Variants in BRWD3 observed in about 807,000 individuals in gnomAD.
The protein encoded by BRWD3 is bromodomain and WD repeat domain containing 3.
A neutral mutation model predicts 149.7 loss-of-function variants in BRWD3; 10 were observed. The observed-to-expected ratio is 0.07, with a 90% CI of 0.04 to 0.11. BRWD3 has a LOEUF of 0.11. Among genes scored for constraint, BRWD3 ranks in the 10% least tolerant of loss-of-function variants. The pLI is 1.00. For missense variants in BRWD3, 940 were observed against 1,373.2 expected (o/e 0.68, Z 4.99); for synonymous variants, 504 against 456.7 (o/e 1.10, Z -1.32).
chrX:80,761,504 T>C (rs1480003250), intron 6 of BRWD3, among the ~76,000 whole-genome samples: 1 of 112,002 alleles, frequency 8.9e-6, no homozygotes, highest in African/African-American at 3.2e-5. Flanking sequence ...TAATCAGGTG[T>C]AAAGCAACTG....
At chrX:80,730,982 A>G (rs767394801) in intron 12 of BRWD3, among the ~76,000 whole-genome samples, 8 of 111,967 alleles carry the variant, frequency 7.1e-5, no homozygotes, top group Admixed American at 9.5e-5. Context: ...AATCTTCACC[A>G]TTATAAATAA....
chrX:80,775,403 A>G (rs17281706), intron 6 of BRWD3, among the ~76,000 whole-genome samples: 9,334 of 111,495 alleles, frequency 0.084, 374 homozygotes, highest in South Asian at 0.19. Flanking sequence ...ACTTGACACA[A>G]TTGGGGCCCA....
intron 27 of BRWD3, 80 bp from the exon 28 acceptor site, chrX:80,693,131 G>T: frequency 1.4e-6 from 1 of 735,617 alleles, no homozygotes; most frequent in South Asian, 2.2e-5. Context: ...ACTTTTTGTT[G>T]ACAACAGAAG....
intron 37 of BRWD3, 145 bp from the exon 38 acceptor site, chrX:80,682,773 T>C (rs1052052678): frequency 2.5e-5 from 14 of 550,530 alleles, no homozygotes; most frequent in African/African-American, 2.4e-4. Flanking sequence ...TAAAGTAAGA[T>C]ACCATTTTCA....
rs771173711 is a variant in BRWD3, at chrX:80,681,422, C to T, written c.4573G>A (p.Gly1525Ser). The change falls in exon 40 of 41, where the codon GGT (glycine) becomes AGT (serine). Residue 1525 changes from glycine to serine, a missense_variant. Physicochemically the swap from Gly to Ser is moderately conservative, Grantham distance 56. This residue lies in a region of BRWD3 where 349 missense variants were observed against 419.6 expected (regional missense o/e 0.83). Transcript: ENST00000373275. ...PDGPFSSSSF[G>S]GYSRSGNSHD... is the part of the protein sequence containing the mutation. ...CTATTTCCACTTCGGCTATATCCAC[C>T]GAAGCTCGATGAAGAAAATGGCCCA... is the stretch of plus-strand genomic sequence containing the variant. The T allele has an allele frequency of 2.6e-5, 32 of 1,209,763 alleles. No individual in the cohort carries two copies. The South Asian group carries it at 4.9e-4, about 19-fold the overall frequency.
At chrX:80,762,213 T>C (rs1322376296) in intron 6 of BRWD3, among the ~76,000 whole-genome samples, 3 of 111,719 alleles carry the variant, frequency 2.7e-5, no homozygotes, top group Non-Finnish European at 1.9e-5. Flanking sequence ...CCTTTCTCTC[T>C]TTGAACTAGA....
intron 6 of BRWD3, among the ~76,000 whole-genome samples, chrX:80,758,208 T>TA (rs1390676099): frequency 9.1e-6 from 1 of 109,990 alleles, no homozygotes; most frequent in East Asian, 2.8e-4. Context: ...TCAAAAAAAA[T>TA]AAAAAATAAA....
At chrX:80,738,875 G>A (rs750047563) in intron 8 of BRWD3, among the ~76,000 whole-genome samples, 1 of 112,013 alleles carries the variant, frequency 8.9e-6, no homozygotes, top group East Asian at 2.8e-4. Context: ...ACACGCAGTA[G>A]ATGAGATTGA....
At position 80,673,737 on chromosome X, in the gene BRWD3, C is replaced by G. The variant is rs1252031475; in HGVS notation, c.*2872G>C. The G allele has an allele frequency of 9.0e-6, 1 of 111,667 alleles. No homozygotes were observed. Among genetic ancestry groups the G allele is most frequent in the Admixed American group, 9.5e-5 (1 of 10,514 alleles). The allele number at this position is 111,667 out of a possible 1,213,427, so 9.2% of individuals were successfully genotyped here. ...ATTACAGCTCACTGACTATTCATATCTAGCATAGGATTAGGTTTATACATG... is the reference window on the plus strand; with the variant it reads ...ATTACAGCTCACTGACTATTCATATGTAGCATAGGATTAGGTTTATACATG... On this transcript the variant is annotated 3_prime_UTR_variant, in exon 41 of 41. Coordinates refer to ENST00000373275, the MANE Select transcript of BRWD3 (RefSeq NM_153252.5).
At chrX:80,691,726 C>T in intron 30 of BRWD3, 97 bp downstream of exon 30, 1 of 1,025,636 alleles carries the variant, frequency 9.8e-7, no homozygotes, top group Non-Finnish European at 1.4e-6. Flanking sequence ...CTGAAGTGTA[C>T]AGTGAGAAAC....
At chrX:80,742,642 T>C (rs2073531382) in intron 8 of BRWD3, among the ~76,000 whole-genome samples, 1 of 110,349 alleles carries the variant, frequency 9.1e-6, no homozygotes, top group East Asian at 2.8e-4. Context: ...CCTAGGTATT[T>C]TATTCTCTTT....
At chrX:80,809,082 G>C (rs192068986) in intron 2 of BRWD3, 40 bp from the exon 3 acceptor site, 1 of 1,171,978 alleles carries the variant, frequency 8.5e-7, no homozygotes, top group African/African-American at 1.8e-5. Context: ...AGCAGCTCGG[G>C]CCATCAACCC....
At chrX:80,690,953 T>A (rs1301190394) in intron 31 of BRWD3, 100 bp downstream of exon 31, 12 of 1,010,422 alleles carry the variant, frequency 1.2e-5, no homozygotes, top group Non-Finnish European at 1.6e-5. Flanking sequence ...TGTGGGTCTT[T>A]TGGATGATCA....
In BRWD3 at chrX:80,805,644, A is replaced by G. The variant is rs1239013122; in HGVS notation, c.180+2895T>C. On this transcript the variant is annotated intron_variant, in intron 4 of 40. Transcript: ENST00000373275. ...TCATTCCAATAACAATTTAAAAAAT[A>G]CCTACCCCAGGCCGGGCGCGGTGGC... Among the ~76,000 whole-genome samples the G allele has an allele frequency of 2.7e-5, 3 of 112,212 alleles. No individual in the cohort carries two copies. In the East Asian group the frequency reaches 8.3e-4, roughly 31 times the overall value.
intron 6 of BRWD3, among the ~76,000 whole-genome samples, chrX:80,789,598 G>A (rs1205551504): frequency 4.5e-5 from 5 of 109,915 alleles, no homozygotes; most frequent in Admixed American, 2.9e-4. Context: ...GGATGGTCTC[G>A]ATCTCCTGAC....
At chrX:80,786,110 G>C (rs1426659201) in intron 6 of BRWD3, among the ~76,000 whole-genome samples, 1 of 111,903 alleles carries the variant, frequency 8.9e-6, no homozygotes, top group Non-Finnish European at 1.9e-5. Flanking sequence ...TAGCTTACCT[G>C]TTCCCATATT....
chrX:80,734,273 C>A, intron 10 of BRWD3, 55 bp from the exon 11 acceptor site: 1 of 778,957 alleles, frequency 1.3e-6, no homozygotes, highest in Non-Finnish European at 2.0e-6. Flanking sequence ...TAAAAACCCT[C>A]TCATTACTTC....
chrX:80,748,047 T>C (rs890571256), intron 6 of BRWD3, among the ~76,000 whole-genome samples: 3 of 111,656 alleles, frequency 2.7e-5, no homozygotes, highest in Non-Finnish European at 5.6e-5. Context: ...TTCAACATGT[T>C]AGTCACGCTG....
At chrX:80,777,321 C>A (rs947007730) in intron 6 of BRWD3, among the ~76,000 whole-genome samples, 2 of 111,482 alleles carry the variant, frequency 1.8e-5, no homozygotes, top group African/African-American at 3.3e-5. Context: ...ATCATATCTG[C>A]TGGGAAAGAG....
Sources: allele counts gnomAD v4.1 joint callset (sites outside exome capture counted in the v4.1 genomes callset), GRCh38; gene constraint gnomAD v4.1.1; regional missense constraint gnomAD v4.1.1; transcripts MANE v1.5; gene names NCBI Gene and HGNC (gene_info 2026-07-23, HGNC 2026-07-21).